The following LSAMP variants were observed in gnomAD, a reference collection of about 807,000 sequenced individuals.
LSAMP encodes limbic system-associated membrane protein.
In LSAMP, 7 loss-of-function variants were observed where a neutral mutation model predicts 38.6. The ratio of observed to expected loss-of-function variants is 0.18; its 90% CI spans 0.10 to 0.34. The LOEUF is 0.34. Ranked by LOEUF, LSAMP falls within the 10% of genes least tolerant of loss-of-function variation. The pLI, the probability that LSAMP is intolerant of heterozygous loss-of-function variation, is 1.00. For missense variants in LSAMP, 313 were observed against 420.0 expected, an observed-to-expected ratio of 0.75 and a Z score of 2.23; for synonymous variants, 154 against 166.8, an observed-to-expected ratio of 0.92 and a Z score of 0.59.
At chr3:115,907,975 A>G (rs1043412806) in intron 3 of LSAMP, among the ~76,000 whole-genome samples, 1 of 152,118 alleles carries the variant, frequency 6.6e-6, no homozygotes. Flanking sequence ...ATCTATCTAA[A>G]GTAGGATCTT....
chr3:115,822,688 C>T (rs1576112055), intron 6 of LSAMP, among the ~76,000 whole-genome samples: 1 of 152,056 alleles, frequency 6.6e-6, no homozygotes, highest in Admixed American at 6.5e-5. Flanking sequence ...ATAGGTGGAC[C>T]ATTGCCCTCA....
chr3:115,964,058 T>C (rs1938715434), intron 3 of LSAMP, among the ~76,000 whole-genome samples: 1 of 152,194 alleles, frequency 6.6e-6, no homozygotes, highest in Non-Finnish European at 1.5e-5. Flanking sequence ...CAGCCTTCTT[T>C]AGTGTTAGTT....
At chr3:116,294,818 G>GTGAT (rs1402451969) in intron 1 of LSAMP, among the ~76,000 whole-genome samples, 1 of 152,204 alleles carries the variant, frequency 6.6e-6, no homozygotes, top group Admixed American at 6.5e-5. Context: ...CAAACCTGCT[G>GTGAT]TGATTAGGCA....
At chr3:116,296,100 G>C (rs1404923450) in intron 1 of LSAMP, among the ~76,000 whole-genome samples, 1 of 152,168 alleles carries the variant, frequency 6.6e-6, no homozygotes. Context: ...TCAATTGCTA[G>C]AGCCTGAAAT....
chr3:116,349,555 T>C (rs1435649795), intron 1 of LSAMP, among the ~76,000 whole-genome samples: 2 of 151,424 alleles, frequency 1.3e-5, no homozygotes, highest in African/African-American at 2.4e-5. Context: ...TCCTTCATAA[T>C]TTTTTAGCAT....
intron 1 of LSAMP, among the ~76,000 whole-genome samples, chr3:116,235,538 GT>G (rs1399012439): frequency 1.3e-5 from 2 of 152,108 alleles, no homozygotes; most frequent in Non-Finnish European, 2.9e-5. Flanking sequence ...TGCTCTAAGT[GT>G]TAAATAATTG....
chr3:116,148,580 A>G (rs139860403), intron 1 of LSAMP, among the ~76,000 whole-genome samples: 89 of 152,148 alleles, frequency 5.8e-4, no homozygotes, highest in African/African-American at 2.0e-3. Flanking sequence ...TGAACCCGTA[A>G]TAAGTTCAAG....
chr3:116,184,363 C>T (rs1710560968), intron 1 of LSAMP, among the ~76,000 whole-genome samples: 1 of 151,862 alleles, frequency 6.6e-6, no homozygotes. Flanking sequence ...TAAATCCTGG[C>T]AGTTGACTCT....
intron 3 of LSAMP, among the ~76,000 whole-genome samples, chr3:115,900,627 TC>T (rs1433466425): frequency 6.6e-6 from 1 of 152,144 alleles, no homozygotes; most frequent in Admixed American, 6.6e-5. Context: ...TTGCTAATGT[TC>T]TGCATCATGA....
chr3:115,962,482 C>A (rs1331226781), intron 3 of LSAMP, among the ~76,000 whole-genome samples: 3 of 152,120 alleles, frequency 2.0e-5, no homozygotes, highest in Admixed American at 2.0e-4. Flanking sequence ...AGGTGTGAGT[C>A]CCAGCTTGAT....
chr3:116,256,684 T>C (rs2046755537), intron 1 of LSAMP, among the ~76,000 whole-genome samples: 1 of 152,218 alleles, frequency 6.6e-6, no homozygotes, highest in East Asian at 1.9e-4. Flanking sequence ...GCATTTCTCC[T>C]GTACCTGGTC....
intron 1 of LSAMP, among the ~76,000 whole-genome samples, chr3:116,413,318 A>C (rs1414746607): frequency 1.3e-5 from 2 of 152,202 alleles, no homozygotes; most frequent in East Asian, 3.9e-4. Flanking sequence ...AGCTACTTGG[A>C]AATCCTGAAA....
intron 6 of LSAMP, among the ~76,000 whole-genome samples, chr3:115,816,445 A>T (rs1934020840): frequency 6.6e-6 from 1 of 152,212 alleles, no homozygotes; most frequent in African/African-American, 2.4e-5. Context: ...TTGATCAGGA[A>T]CTTTTTGTAA....
intron 1 of LSAMP, among the ~76,000 whole-genome samples, chr3:116,400,756 C>T (rs1402672682): frequency 6.6e-6 from 1 of 152,030 alleles, no homozygotes; most frequent in East Asian, 1.9e-4. Flanking sequence ...GGGATTACAG[C>T]GTGAGCCACC....
At chr3:116,424,329 G>A (rs2049166807) in intron 1 of LSAMP, among the ~76,000 whole-genome samples, 2 of 152,174 alleles carry the variant, frequency 1.3e-5, no homozygotes, top group South Asian at 4.1e-4. Flanking sequence ...AAGTTTTGAG[G>A]CTGAGCAAGA....
intron 3 of LSAMP, among the ~76,000 whole-genome samples, chr3:115,968,597 C>T (rs946514906): frequency 4.6e-5 from 7 of 152,264 alleles, no homozygotes; most frequent in African/African-American, 1.4e-4. Flanking sequence ...TTACTCTTCC[C>T]TCTTCTCTCC....
At chr3:116,298,832 T>G (rs572229523) in intron 1 of LSAMP, among the ~76,000 whole-genome samples, 3 of 152,274 alleles carry the variant, frequency 2.0e-5, no homozygotes, top group African/African-American at 7.2e-5. Context: ...GAGTTTCTGC[T>G]TCTGTGCCAG....
intron 1 of LSAMP, among the ~76,000 whole-genome samples, chr3:116,384,293 T>A (rs2048598601): frequency 6.6e-6 from 1 of 152,164 alleles, no homozygotes; most frequent in Admixed American, 6.5e-5. Flanking sequence ...TATTCTCATA[T>A]TTTGACCATC....
At chr3:116,390,132 TACACACACACACACACAC>T (rs10661312) in intron 1 of LSAMP, among the ~76,000 whole-genome samples, 9 of 147,262 alleles carry the variant, frequency 6.1e-5, no homozygotes, top group African/African-American at 2.0e-4. Context: ...TATGTATGTA[TACACACACACACACACAC>T]ACACACACAC....
Sources: allele counts gnomAD v4.1 joint callset (sites outside exome capture counted in the v4.1 genomes callset), GRCh38; gene constraint gnomAD v4.1.1; transcripts MANE v1.5; gene names NCBI Gene and HGNC (gene_info 2026-07-23, HGNC 2026-07-21).